Variants in PLEKHG1 observed in about 807,000 individuals in gnomAD.
The protein encoded by PLEKHG1 is pleckstrin homology domain-containing family G member 1.
In PLEKHG1, 44 loss-of-function variants were observed where a neutral mutation model predicts 100.8. The ratio of observed to expected loss-of-function variants is 0.44; its 90% confidence interval spans 0.34 to 0.56. The LOEUF (loss-of-function observed/expected upper bound fraction) is 0.56, where lower values mean the gene tolerates loss of function less well. Among genes scored for constraint, PLEKHG1 ranks in the 20% least tolerant of loss-of-function variants. The pLI, the probability that PLEKHG1 is intolerant of heterozygous loss-of-function variation, is 0.01. For missense variants in PLEKHG1, 1,545 were observed against 1,720.9 expected, an observed-to-expected ratio of 0.90 and a Z score of 1.81; for synonymous variants, 640 against 662.5, an observed-to-expected ratio of 0.97 and a Z score of 0.52.
At chr6:150,803,699 C>A (rs1786843058) in intron 6 of PLEKHG1, among the ~76,000 whole-genome samples, 1 of 152,070 alleles carries the variant, frequency 6.6e-6, no homozygotes. Context: ...CTTCATTTGG[C>A]CTTTAAAACC....
chr6:150,840,555 A>AC lies in PLEKHG1; in HGVS notation c.3818dup (p.Asp1274Ter), dbSNP rs1452660958. The AC allele has an allele frequency of 6.2e-7, 1 of 1,614,066 alleles. No homozygotes were observed. Among genetic ancestry groups the AC allele is most frequent in the Non-Finnish European group, 8.5e-7 (1 of 1,180,028 alleles). On this transcript the variant is annotated frameshift_variant, in exon 16 of 16. Coordinates refer to ENST00000358517, the Ensembl canonical transcript of PLEKHG1. LOFTEE classifies it low-confidence loss of function (END_TRUNC). ...GAATTATTTTTCCAATTTCAAAGAG[A>AC]CTGATGGAGATGAAGATGACTATGT...
intron 7 of PLEKHG1, among the ~76,000 whole-genome samples, chr6:150,806,308 A>C (rs1314134717): frequency 6.8e-6 from 1 of 147,644 alleles, no homozygotes; most frequent in Non-Finnish European, 1.5e-5. Context: ...TAATGTCGGA[A>C]TCTATTGAAT....
chr6:150,739,193 A>G (rs1295934442), intron 2 of PLEKHG1, among the ~76,000 whole-genome samples: 2 of 152,304 alleles, frequency 1.3e-5, no homozygotes, highest in South Asian at 2.1e-4. Flanking sequence ...CTACTACAGA[A>G]TGGCATCGTT....
At chr6:150,643,132 C>T (rs1778340685) in intron 2 of PLEKHG1, among the ~76,000 whole-genome samples, 1 of 152,100 alleles carries the variant, frequency 6.6e-6, no homozygotes, top group African/African-American at 2.4e-5. Context: ...ACTGGAATGC[C>T]TCATCTCTAA....
At chr6:150,729,118 G>T (rs545600600) in intron 1 of PLEKHG1, among the ~76,000 whole-genome samples, 67 of 152,204 alleles carry the variant, frequency 4.4e-4, no homozygotes, top group Non-Finnish European at 8.4e-4. Context: ...TAGGGTCAAG[G>T]TCTCACTTTG....
At chr6:150,665,490 C>A (rs1028933980) in intron 3 of PLEKHG1, among the ~76,000 whole-genome samples, 1 of 151,894 alleles carries the variant, frequency 6.6e-6, no homozygotes, top group Admixed American at 6.6e-5. Context: ...ATTAGCTGGG[C>A]ATGGTGGCAC....
At chr6:150,713,427 A>G (rs1433341040) in intron 3 of PLEKHG1, among the ~76,000 whole-genome samples, 2 of 152,168 alleles carry the variant, frequency 1.3e-5, no homozygotes, top group African/African-American at 2.4e-5. Context: ...GACCAAGTGA[A>G]TATCAGTGCA....
chr6:150,768,418 A>G lies in PLEKHG1; in HGVS notation c.412-220A>G, dbSNP rs1163514837. On this transcript the variant is annotated intron_variant, in intron 2 of 15. Transcript: ENST00000358517. ...GCTCTAATATATTTAGGGAGTAGACAGAATGTATACCACACTCTTTCTCTT... is the reference window on the plus strand; with the variant it reads ...GCTCTAATATATTTAGGGAGTAGACGGAATGTATACCACACTCTTTCTCTT... 9.9e-5 allele frequency among the ~76,000 whole-genome samples: 15 copies of G among 152,266 alleles called. 1 individual carries two copies. Among genetic ancestry groups the G allele is most frequent in the Admixed American group, 9.8e-4 (15 of 15,288 alleles).
At chr6:150,817,972 C>T (rs539300621) in intron 10 of PLEKHG1, among the ~76,000 whole-genome samples, 12 of 152,266 alleles carry the variant, frequency 7.9e-5, no homozygotes, top group East Asian at 3.9e-4. Flanking sequence ...GTCTTAGCTC[C>T]GGTGCCTTGA....
At chr6:150,699,224 T>A (rs1031384968) in intron 3 of PLEKHG1, among the ~76,000 whole-genome samples, 2 of 152,196 alleles carry the variant, frequency 1.3e-5, no homozygotes, top group African/African-American at 4.8e-5. Flanking sequence ...TTTTGCAGTT[T>A]CTTATAGATT....
chr6:150,803,408 A>G (rs2128664818), intron 6 of PLEKHG1, among the ~76,000 whole-genome samples: 1 of 152,338 alleles, frequency 6.6e-6, no homozygotes, highest in African/African-American at 2.4e-5. Flanking sequence ...TTTAATAAGC[A>G]CTTATTCACC....
At chr6:150,697,478 G>A (rs148792748) in intron 3 of PLEKHG1, among the ~76,000 whole-genome samples, 1 of 152,310 alleles carries the variant, frequency 6.6e-6, no homozygotes, top group East Asian at 1.9e-4. Context: ...CAGGCAACTG[G>A]GAAGTAAGTC....
chr6:150,736,518 C>T (rs1337221715), intron 2 of PLEKHG1, among the ~76,000 whole-genome samples: 1 of 152,188 alleles, frequency 6.6e-6, no homozygotes, highest in African/African-American at 2.4e-5. Flanking sequence ...CCTGTAATCC[C>T]AGCACTTTGG....
chr6:150,615,940 C>G (rs768504387), intron 1 of PLEKHG1, among the ~76,000 whole-genome samples: 1 of 152,212 alleles, frequency 6.6e-6, no homozygotes, highest in African/African-American at 2.4e-5. Context: ...CATATGTTTA[C>G]TAATTTCATG....
rs185075508 is a variant in PLEKHG1 at position 150,736,586 on chromosome 6, T to A, written c.411+2494T>A. 8.1e-4 allele frequency among the ~76,000 whole-genome samples: 123 copies of A among 152,248 alleles called. 1 individual carries two copies. The highest frequency in any genetic ancestry group is 2.9e-3 in the African/African-American group (120 of 41,562). On this transcript the variant is annotated intron_variant, in intron 2 of 15. Transcript: ENST00000358517. ...GAGTTCGAGACCAGCCTGGACAACA[T>A]GGTGAAAGCCCATCTCTACTAAAAA...
At chr6:150,653,415 G>A (rs981101851) in intron 3 of PLEKHG1, among the ~76,000 whole-genome samples, 5 of 151,974 alleles carry the variant, frequency 3.3e-5, no homozygotes, top group Non-Finnish European at 7.4e-5. Context: ...CCACGTGTAT[G>A]TGAGATTCAG....
intron 3 of PLEKHG1, among the ~76,000 whole-genome samples, chr6:150,779,446 C>T (rs535029481): frequency 6.7e-6 from 1 of 149,704 alleles, no homozygotes; most frequent in South Asian, 2.1e-4. Context: ...CTTGGGTTCA[C>T]GTGATTCTCC....
chr6:150,611,105 A>G (rs1776808554), intron 1 of PLEKHG1, among the ~76,000 whole-genome samples: 1 of 152,170 alleles, frequency 6.6e-6, no homozygotes, highest in African/African-American at 2.4e-5. Context: ...CCCACTAGAG[A>G]GCATGGTAAC....
intron 2 of PLEKHG1, among the ~76,000 whole-genome samples, chr6:150,647,718 TTCTA>T (rs1778561599): frequency 6.6e-6 from 1 of 152,174 alleles, no homozygotes. Flanking sequence ...TGACGTAAAA[TTCTA>T]ATTGGATTTT....
Sources: gnomAD v4.1 joint callset for allele counts (sites outside exome capture counted in the v4.1 genomes callset) on GRCh38, gnomAD v4.1.1 for gene constraint, MANE v1.5 for transcripts, NCBI Gene and HGNC (gene_info 2026-07-23, HGNC 2026-07-21) for gene names.